The following ATG7 variants were observed in gnomAD, a reference collection of about 807,000 sequenced individuals.
ATG7 encodes the protein ubiquitin-like modifier-activating enzyme ATG7.
ATG7 carries 70 observed loss-of-function variants against 82.4 expected under a neutral mutation model. That is an observed-to-expected ratio of 0.85 (90% CI 0.70 to 1.04). The LOEUF (loss-of-function observed/expected upper bound fraction) is 1.04, where lower values mean the gene tolerates loss of function less well. Among genes scored for constraint, ATG7 ranks in the 50% least tolerant of loss-of-function variants. The probability of loss-of-function intolerance (pLI) is 0.00; values close to 1 mark genes in which losing one functional copy is unlikely to be tolerated. For missense variants in ATG7, 792 were observed against 864.3 expected (o/e 0.92, Z 1.05); for synonymous variants, 287 against 313.0 (o/e 0.92, Z 0.88).
chr3:11,354,478 G>A lies in ATG7; in HGVS notation c.1285-3940G>A, dbSNP rs143131717. The stretch of plus-strand genomic sequence containing the variant: ...ATCCTGGCCAACATGGTGAAACCCC[G>A]TCTCTACTAAAAATACAAAAATTAG... On this transcript the variant is annotated intron_variant, in intron 14 of 20. Coordinates refer to ENST00000693202, the MANE Select transcript of ATG7 (RefSeq NM_001349232.2). 6.8e-3 allele frequency among the ~76,000 whole-genome samples: 1,032 copies of A among 151,754 alleles called. 4 individuals are homozygous for A. The highest frequency in any genetic ancestry group is 0.01 in the Middle Eastern group (3 of 292).
At chr3:11,294,246 A>T (rs1211069068) in intron 3 of ATG7, among the ~76,000 whole-genome samples, 1 of 150,108 alleles carries the variant, frequency 6.7e-6, no homozygotes, top group East Asian at 2.0e-4. Context: ...ATTTTATTTT[A>T]TTTTTTTTTG....
chr3:11,429,022 A>AGT (rs1312703875), intron 20 of ATG7, among the ~76,000 whole-genome samples: 1 of 152,174 alleles, frequency 6.6e-6, no homozygotes, highest in East Asian at 1.9e-4. Context: ...CACGAGCCTG[A>AGT]GTTTTCTTTT....
At chr3:11,308,650 A>G (rs1948147998) in intron 6 of ATG7, 1 of 297,166 alleles carries the variant, frequency 3.4e-6, no homozygotes, top group Admixed American at 4.7e-5. Context: ...TGTAACCCTG[A>G]TGTGCCTGGT....
At position 11,358,497 on chromosome 3, in the gene ATG7, G is replaced by A. The variant is rs772454167; in HGVS notation, c.1364G>A (p.Arg455His). The A allele has an allele frequency of 1.4e-5, 23 of 1,614,006 alleles. No individual in the cohort carries two copies. The highest frequency in any genetic ancestry group is 1.3e-4 in the Admixed American group (8 of 60,002). ...NFSSVTLEQA[R>H]RDVEQLEQLI... ...TCCAGTGTCACTCTGGAGCAAGCCC[G>A]CAGAGATGTGGAGCAACTGGAGCAG... Residue 455 changes from arginine (R) to histidine (H), a missense_variant, in exon 15 of 21, where the codon CGC becomes CAC. By Grantham distance (29) the Arg-to-His change is conservative. Coordinates refer to ENST00000693202, the MANE Select transcript of ATG7 (RefSeq NM_001349232.2).
At chr3:11,304,341 C>G (rs969422848) in intron 5 of ATG7, among the ~76,000 whole-genome samples, 2 of 152,214 alleles carry the variant, frequency 1.3e-5, no homozygotes, top group Admixed American at 1.3e-4. Flanking sequence ...AAGCGCATGG[C>G]TGTCAAAATC....
At chr3:11,445,699 T>G (rs2084481828) in intron 20 of ATG7, among the ~76,000 whole-genome samples, 1 of 152,134 alleles carries the variant, frequency 6.6e-6, no homozygotes, top group Admixed American at 6.5e-5. Flanking sequence ...AAAGAAAATA[T>G]GCATCTTCAA....
In ATG7 at chr3:11,340,152, C is replaced by T. The variant is rs371668629; in HGVS notation, c.890-493C>T. Among the ~76,000 whole-genome samples, 30 of 152,226 alleles carry T rather than the reference C, an allele frequency of 2.0e-4. 1 individual carries two copies. The East Asian group carries it at 4.4e-3, about 23-fold the overall frequency. On this transcript the variant is annotated intron_variant, in intron 11 of 20. Coordinates refer to ENST00000693202, the MANE Select transcript of ATG7 (RefSeq NM_001349232.2). The stretch of plus-strand genomic sequence containing the variant: ...GGCAGCTTAATCAAATGACAGTCAC[C>T]TTGGACTGTGATCTGCTCACAGGTA...
chr3:11,411,682 C>A (rs979013090), intron 19 of ATG7, among the ~76,000 whole-genome samples: 6 of 144,870 alleles, frequency 4.1e-5, no homozygotes, highest in Non-Finnish European at 9.1e-5. Context: ...ATTATTTTGT[C>A]CCATTCCAGA....
intron 3 of ATG7, among the ~76,000 whole-genome samples, chr3:11,292,003 C>A (rs1945053095): frequency 6.6e-6 from 1 of 152,128 alleles, no homozygotes; most frequent in Non-Finnish European, 1.5e-5. Flanking sequence ...CAGTTTGTCA[C>A]CTTGTTTGGA....
At chr3:11,501,879 G>A (rs546546131) in intron 20 of ATG7, among the ~76,000 whole-genome samples, 105 of 152,050 alleles carry the variant, frequency 6.9e-4, no homozygotes, top group African/African-American at 2.5e-3. Flanking sequence ...TAGCAGAGAC[G>A]GGGTTTCACC....
At chr3:11,574,785 A>ATGTGTGTGTGTGTGTGTG in the ATG7 span, among the ~76,000 whole-genome samples, 46 of 121,780 alleles carry the variant, frequency 3.8e-4, no homozygotes, top group East Asian at 5.6e-3. Flanking sequence ...TCAACTATAT[A>ATGTGTGTGTGTGTGTGTG]TGTGTGTGTG....
intron 20 of ATG7, among the ~76,000 whole-genome samples, chr3:11,447,441 C>G (rs572052373): frequency 7.2e-4 from 109 of 150,788 alleles, no homozygotes; most frequent in Middle Eastern, 3.2e-3. Context: ...CACTCCAGCC[C>G]GGGCAACAGT....
At chr3:11,511,658 C>T (rs1021508642) in intron 20 of ATG7, among the ~76,000 whole-genome samples, 13 of 152,134 alleles carry the variant, frequency 8.5e-5, no homozygotes, top group East Asian at 1.9e-4. Flanking sequence ...TGGTGCTCGT[C>T]GGGGAGGCTC....
At chr3:11,467,517 A>C (rs1336985975) in intron 20 of ATG7, among the ~76,000 whole-genome samples, 1 of 152,100 alleles carries the variant, frequency 6.6e-6, no homozygotes, top group Non-Finnish European at 1.5e-5. Context: ...GCTGGATTAT[A>C]GGCATCCACC....
intron 18 of ATG7, among the ~76,000 whole-genome samples, chr3:11,367,281 G>A (rs1177263921): frequency 6.6e-6 from 1 of 152,026 alleles, no homozygotes; most frequent in Non-Finnish European, 1.5e-5. Context: ...TCCTCTTCCT[G>A]GCTCCTAGAG....
chr3:11,312,392 C>T (rs917547659), intron 7 of ATG7, among the ~76,000 whole-genome samples: 11 of 152,158 alleles, frequency 7.2e-5, no homozygotes, highest in East Asian at 3.8e-4. Flanking sequence ...GAGCCATTAG[C>T]GTGAGTGGGA....
rs576089500 is a variant in ATG7 at position 11,311,599 on chromosome 3, T to A, written c.412-1705T>A. Among the ~76,000 whole-genome samples, 17 of 145,532 alleles carry A rather than the reference T, an allele frequency of 1.2e-4. No homozygotes were observed. The South Asian group carries it at 3.2e-3, about 28-fold the overall frequency. ...CAGCCTGTGTGACAGAGCAAGACTG[T>A]CTCCAAAAAAAAAAAAAAAAAGATT... On this transcript the variant is annotated intron_variant, in intron 7 of 20. Transcript: ENST00000693202.
chr3:11,319,664 G>C (rs937678832), intron 9 of ATG7, among the ~76,000 whole-genome samples: 8 of 152,172 alleles, frequency 5.3e-5, no homozygotes, highest in Non-Finnish European at 2.9e-5. Flanking sequence ...TTGCCCCAAG[G>C]CTGGTCCTTT....
At chr3:11,560,688 AG>A (rs1197915522), downstream of ATG7, among the ~76,000 whole-genome samples, 12 of 152,258 alleles carry the variant, frequency 7.9e-5, no homozygotes, top group East Asian at 2.1e-3. Context: ...ATGCCAGGGT[AG>A]GGGGGGATGT....
Sources: allele counts gnomAD v4.1 joint callset (sites outside exome capture counted in the v4.1 genomes callset), GRCh38; gene constraint gnomAD v4.1.1; transcripts MANE v1.5; gene names NCBI Gene and HGNC (gene_info 2026-07-23, HGNC 2026-07-21).